The following TRPC1 variants were observed in gnomAD, a reference collection of about 807,000 sequenced individuals.
The protein encoded by TRPC1 is transient receptor potential cation channel subfamily C member 1, also known as short transient receptor potential channel 1.
A neutral mutation model predicts 88.2 loss-of-function variants in TRPC1; 42 were observed. The observed-to-expected ratio is 0.48, with a 90% CI of 0.37 to 0.62. The LOEUF is 0.62. Ranked by LOEUF, TRPC1 falls within the 20% of genes least tolerant of loss-of-function variation. The pLI, the probability that TRPC1 is intolerant of heterozygous loss-of-function variation, is 0.00. For synonymous variants in TRPC1, 288 were observed against 331.8 expected (o/e 0.87, Z 1.43); for missense variants, 699 against 957.3 (o/e 0.73, Z 3.56).
chr3:142,768,344 G>C (rs377008653), intron 4 of TRPC1, among the ~76,000 whole-genome samples: 1 of 151,994 alleles, frequency 6.6e-6, no homozygotes, highest in African/African-American at 2.4e-5. Context: ...TTCAGGCTCT[G>C]TTGTTAGGTG....
intron 3 of TRPC1, among the ~76,000 whole-genome samples, chr3:142,744,217 T>C (rs1158145706): frequency 6.6e-6 from 1 of 152,148 alleles, no homozygotes; most frequent in Non-Finnish European, 1.5e-5. Context: ...AGTAAGATAC[T>C]AATTTTAAAC....
intron 1 of TRPC1, among the ~76,000 whole-genome samples, chr3:142,735,088 A>G (rs1212528928): frequency 1.3e-5 from 2 of 152,170 alleles, no homozygotes; most frequent in Non-Finnish European, 2.9e-5. Context: ...ACTATTAACT[A>G]CTAGTACTAT....
intron 4 of TRPC1, among the ~76,000 whole-genome samples, chr3:142,751,314 G>A (rs1242768858): frequency 6.6e-6 from 1 of 152,082 alleles, no homozygotes; most frequent in Non-Finnish European, 1.5e-5. Context: ...AATATTTTAT[G>A]CTGTATTTTT....
intron 7 of TRPC1, among the ~76,000 whole-genome samples, chr3:142,789,420 A>G (rs1265949747): frequency 6.6e-6 from 1 of 152,202 alleles, no homozygotes; most frequent in East Asian, 1.9e-4. Context: ...CTAAGGTGGA[A>G]TTGTTAAAAA....
At chr3:142,727,252 T>C (rs1472873562) in intron 1 of TRPC1, among the ~76,000 whole-genome samples, 1 of 152,192 alleles carries the variant, frequency 6.6e-6, no homozygotes, top group Non-Finnish European at 1.5e-5. Flanking sequence ...CTCTAGAGTA[T>C]CTATGGTGTT....
At chr3:142,745,212 G>T (rs1934497987) in intron 3 of TRPC1, among the ~76,000 whole-genome samples, 1 of 152,106 alleles carries the variant, frequency 6.6e-6, no homozygotes, top group African/African-American at 2.4e-5. Flanking sequence ...CACTTATCTT[G>T]CAGTTATTAT....
At chr3:142,758,596 T>C (rs1935067422) in intron 4 of TRPC1, among the ~76,000 whole-genome samples, 1 of 152,178 alleles carries the variant, frequency 6.6e-6, no homozygotes, top group Non-Finnish European at 1.5e-5. Flanking sequence ...ATGAGTTGGC[T>C]CTTTTGTTTG....
At chr3:142,785,150 C>A in intron 7 of TRPC1, 110 bp downstream of exon 7, 1 of 891,376 alleles carries the variant, frequency 1.1e-6, no homozygotes, top group Non-Finnish European at 1.7e-6. Flanking sequence ...ACACTGTTCA[C>A]ACCACAAGAA....
chr3:142,725,715 G>A (rs949926134), intron 1 of TRPC1, among the ~76,000 whole-genome samples: 18 of 152,042 alleles, frequency 1.2e-4, no homozygotes, highest in African/African-American at 4.1e-4. Flanking sequence ...GCAAACTTCT[G>A]GAACAAACCC....
intron 7 of TRPC1, among the ~76,000 whole-genome samples, chr3:142,786,102 T>C (rs1936125753): frequency 6.6e-6 from 1 of 152,158 alleles, no homozygotes; most frequent in South Asian, 2.1e-4. Context: ...ACATTATCTG[T>C]TTATGGTATT....
At chr3:142,780,298 T>C (rs1209741092) in intron 5 of TRPC1, among the ~76,000 whole-genome samples, 1 of 152,206 alleles carries the variant, frequency 6.6e-6, no homozygotes, top group African/African-American at 2.4e-5. Flanking sequence ...TTTTAATATC[T>C]TTCTTTCTAA....
intron 9 of TRPC1, among the ~76,000 whole-genome samples, chr3:142,801,909 C>T (rs909193612): frequency 1.3e-5 from 2 of 152,134 alleles, no homozygotes; most frequent in Non-Finnish European, 2.9e-5. Flanking sequence ...ATCTCCATAA[C>T]AACAATGTCC....
At chr3:142,742,903 C>T (rs1054524478) in intron 2 of TRPC1, among the ~76,000 whole-genome samples, 5 of 152,136 alleles carry the variant, frequency 3.3e-5, no homozygotes, top group Admixed American at 2.0e-4. Context: ...TCTCCATGAA[C>T]TTTGGTAGCC....
rs1935826207 is a variant in TRPC1, at chr3:142,777,645, A to G, written c.646A>G (p.Ile216Val). The change falls in exon 5 of 13, where the codon ATA becomes GTA. Residue 216 changes from isoleucine to valine, a missense_variant. By Grantham distance (29) the Ile-to-Val change is conservative. Around this residue, in one of 4 missense-constraint regions of TRPC1, gnomAD observed 426 missense variants for 641.3 expected, o/e 0.66. Coordinates refer to ENST00000476941, the MANE Select transcript of TRPC1 (RefSeq NM_001251845.2). The stretch of plus-strand genomic sequence containing the variant: ...ATTTTATCACAGGTTTCGTCTTGAT[A>G]TATATCGATGTTTGGCCAGTCCAGC... The part of the protein sequence containing the change: ...SLRHSRFRLD[I>V]YRCLASPALI... 6.2e-7 allele frequency: 1 copy of G among 1,601,082 alleles called. No individual in the cohort carries two copies. Among genetic ancestry groups the G allele is most frequent in the Non-Finnish European group, 8.5e-7 (1 of 1,172,682 alleles).
chr3:142,804,430 A>G lies in TRPC1; in HGVS notation c.1960-6A>G. The stretch of plus-strand genomic sequence containing the variant: ...TAGTTTGCTTTTTAATTTGCCTTTT[A>G]TATAGAATCATGAAGACAAAGAATG... On this transcript the variant is annotated splice_region_variant and splice_polypyrimidine_tract_variant and intron_variant, in intron 11 of 12. Coordinates refer to ENST00000476941, the MANE Select transcript of TRPC1 (RefSeq NM_001251845.2). The G allele has an allele frequency of 6.2e-7, 1 of 1,603,732 alleles. No homozygotes were observed. The highest frequency in any genetic ancestry group is 8.5e-7 in the Non-Finnish European group (1 of 1,176,268).
At position 142,736,539 on chromosome 3, in the gene TRPC1, A is replaced by G. The variant is rs776341226; in HGVS notation, c.327+6A>G. On this transcript the variant is annotated splice_donor_region_variant and intron_variant, in intron 2 of 12. Transcript: ENST00000476941. Reference sequence around the variant, plus strand: ...TTTTGGACTACGGTTGTCAGGTACAAGGCTAGATAATTTAATCCAGTTAAC... The same window carrying G: ...TTTTGGACTACGGTTGTCAGGTACAGGGCTAGATAATTTAATCCAGTTAAC... 2 of 1,587,840 alleles carry G rather than the reference A, an allele frequency of 1.3e-6. No individual in the cohort carries two copies. The highest frequency in any genetic ancestry group is 1.7e-6 in the Non-Finnish European group (2 of 1,170,378).
intron 4 of TRPC1, among the ~76,000 whole-genome samples, chr3:142,770,167 G>A (rs1935530453): frequency 7.8e-6 from 1 of 127,684 alleles, no homozygotes; most frequent in Non-Finnish European, 1.6e-5. Flanking sequence ...GTGCAATCTT[G>A]GCTACTGTAA....
At chr3:142,746,854 C>T (rs62278501) in intron 3 of TRPC1, among the ~76,000 whole-genome samples, 1 of 149,980 alleles carries the variant, frequency 6.7e-6, no homozygotes, top group East Asian at 1.9e-4. Flanking sequence ...CGAGACTCCA[C>T]CAAAAAAAAA....
At chr3:142,798,122 G>A (rs1285795130) in intron 9 of TRPC1, among the ~76,000 whole-genome samples, 1 of 152,072 alleles carries the variant, frequency 6.6e-6, no homozygotes, top group Non-Finnish European at 1.5e-5. Flanking sequence ...CAGAGATACT[G>A]ATTAAATTGA....
Sources: allele counts gnomAD v4.1 joint callset (sites outside exome capture counted in the v4.1 genomes callset), GRCh38; gene constraint gnomAD v4.1.1; regional missense constraint gnomAD v4.1.1; transcripts MANE v1.5; gene names NCBI Gene and HGNC (gene_info 2026-07-23, HGNC 2026-07-21).